PDE10A: variants seen among roughly 807,000 people sequenced by gnomAD.
The protein encoded by PDE10A is cAMP and cAMP-inhibited cGMP 3',5'-cyclic phosphodiesterase 10A.
In PDE10A, 39 loss-of-function variants were observed where a neutral mutation model predicts 97.7. The observed-to-expected ratio is 0.40, with a 90% CI of 0.31 to 0.52. The LOEUF is 0.52. Among genes scored for constraint, PDE10A ranks in the 20% least tolerant of loss-of-function variants. The pLI is 0.56. For missense variants in PDE10A, 731 were observed against 1,047.8 expected, an observed-to-expected ratio of 0.70 and a Z score of 4.17; for synonymous variants, 371 against 376.8, an observed-to-expected ratio of 0.98 and a Z score of 0.18.
chr6:165,384,633 T>TGA (rs779410400), intron 17 of PDE10A, among the ~76,000 whole-genome samples: 4 of 69,728 alleles, frequency 5.7e-5, no homozygotes, highest in Admixed American at 2.9e-4. Context: ...TGTGAGTGAG[T>TGA]GTGTGTGTGT....
At chr6:165,684,913 GA>G (rs1470311261) in intron 1 of PDE10A, among the ~76,000 whole-genome samples, 1 of 152,202 alleles carries the variant, frequency 6.6e-6, no homozygotes, top group Admixed American at 6.5e-5. Flanking sequence ...TGAAAACCAG[GA>G]AGTGGACAGT....
At chr6:165,637,444 G>A (rs367856298) in intron 1 of PDE10A, among the ~76,000 whole-genome samples, 2 of 152,116 alleles carry the variant, frequency 1.3e-5, no homozygotes, top group East Asian at 3.9e-4. Context: ...ACTGAATGAC[G>A]GTGTCCAGCT....
At chr6:165,368,641 T>C (rs1783991144) in intron 18 of PDE10A, among the ~76,000 whole-genome samples, 2 of 152,162 alleles carry the variant, frequency 1.3e-5, no homozygotes, top group Non-Finnish European at 2.9e-5. Flanking sequence ...AGACAACTTA[T>C]AAATGCAAAT....
chr6:165,415,757 A>G (rs1788267286), intron 12 of PDE10A, among the ~76,000 whole-genome samples: 1 of 152,172 alleles, frequency 6.6e-6, no homozygotes, highest in Non-Finnish European at 1.5e-5. Flanking sequence ...GTCAGTTGAG[A>G]GCTAAGAAAT....
At chr6:165,820,560 T>A (rs1779539480) in intron 1 of PDE10A, among the ~76,000 whole-genome samples, 1 of 152,200 alleles carries the variant, frequency 6.6e-6, no homozygotes, top group African/African-American at 2.4e-5. Flanking sequence ...GCTTAGCACA[T>A]CCTGGAAAGA....
intron 1 of PDE10A, among the ~76,000 whole-genome samples, chr6:165,676,468 G>A (rs1275347139): frequency 6.6e-6 from 1 of 152,218 alleles, no homozygotes; most frequent in East Asian, 1.9e-4. Context: ...AGGAAGAGGT[G>A]GGTCAGGGTG....
chr6:165,576,353 C>CTGA (rs1785304546), intron 1 of PDE10A: 1 of 778,104 alleles, frequency 1.3e-6, no homozygotes, highest in African/African-American at 1.7e-5. Flanking sequence ...TAGTTTGCTT[C>CTGA]CTGTCTATCT....
rs1169488258 is a variant in PDE10A at position 165,662,041 on chromosome 6, G to C, written c.771C>G (p.Ala257=). 14 of 1,476,444 alleles carry C rather than the reference G, an allele frequency of 9.5e-6. No individual in the cohort carries two copies. The highest frequency in any genetic ancestry group is 1.3e-5 in the Non-Finnish European group (14 of 1,106,856). The allele number at this position is 1,476,444 out of a possible 1,614,324, so 91.5% of individuals were successfully genotyped here. A position where few individuals can be genotyped will look rare whatever the true frequency, so the allele number is the denominator to read the frequency against. Residue 257 remains alanine (A), a synonymous_variant, in exon 1 of 22, where the codon GCC becomes GCG. Coordinates refer to ENST00000539869, the MANE Select transcript of PDE10A (RefSeq NM_001385079.1). ...RPQGASFALA[A]AAALLFGSDM... ...CGGAGCCGAAGAGCAGCGCGGCCGC[G>C]GCGGCGAGGGCGAAGCTGGCGCCCT...
chr6:165,560,467 T>C (rs1373106190), intron 1 of PDE10A, among the ~76,000 whole-genome samples: 1 of 151,724 alleles, frequency 6.6e-6, no homozygotes, highest in African/African-American at 2.4e-5. Flanking sequence ...TGCGATATTC[T>C]GAGCAAATCA....
intron 1 of PDE10A, among the ~76,000 whole-genome samples, chr6:165,696,963 C>G (rs1791457768): frequency 6.6e-6 from 1 of 152,000 alleles, no homozygotes; most frequent in Non-Finnish European, 1.5e-5. Context: ...AATGCTCAAA[C>G]CTGATTGATA....
chr6:165,759,158 C>T (rs965770236), intron 1 of PDE10A, among the ~76,000 whole-genome samples: 1 of 152,192 alleles, frequency 6.6e-6, no homozygotes, highest in Non-Finnish European at 1.5e-5. Flanking sequence ...ATATGAGGGA[C>T]TCTTTTCTGG....
chr6:165,514,993 CTA>C (rs1445866261), intron 2 of PDE10A, among the ~76,000 whole-genome samples: 3 of 152,272 alleles, frequency 2.0e-5, no homozygotes, highest in Non-Finnish European at 1.5e-5. Context: ...TTTATCCAAA[CTA>C]TTCATTTTTA....
chr6:165,344,394 A>G (rs1444014800), intron 18 of PDE10A, among the ~76,000 whole-genome samples: 1 of 152,230 alleles, frequency 6.6e-6, no homozygotes, highest in Non-Finnish European at 1.5e-5. Context: ...AAGACAAATT[A>G]TCAACAAGGA....
At chr6:165,501,061 T>C (rs2128294651) in intron 2 of PDE10A, among the ~76,000 whole-genome samples, 1 of 152,222 alleles carries the variant, frequency 6.6e-6, no homozygotes, top group Middle Eastern at 3.4e-3. Context: ...GTAGAGATAA[T>C]GACCAACAAA....
At chr6:165,964,258 C>A (rs1165000667) in intron 1 of PDE10A, among the ~76,000 whole-genome samples, 1 of 152,202 alleles carries the variant, frequency 6.6e-6, no homozygotes, top group Non-Finnish European at 1.5e-5. Flanking sequence ...TAGCATCGGG[C>A]TTCCTACAAG....
intron 1 of PDE10A, among the ~76,000 whole-genome samples, chr6:165,974,712 A>G (rs1562337199): frequency 6.6e-6 from 1 of 152,186 alleles, no homozygotes. Flanking sequence ...AGTATGCTAG[A>G]TTCTATTGCT....
intron 1 of PDE10A, among the ~76,000 whole-genome samples, chr6:165,745,959 T>C (rs979425578): frequency 6.6e-6 from 1 of 152,232 alleles, no homozygotes. Context: ...TATCTTAAGC[T>C]GGATGGCAGC....
chr6:165,639,386 A>C (rs1376367586), intron 1 of PDE10A, among the ~76,000 whole-genome samples: 2 of 152,122 alleles, frequency 1.3e-5, no homozygotes, highest in African/African-American at 4.8e-5. Context: ...GATTAGTTTT[A>C]TTTTTAAAGA....
At chr6:165,425,399 T>C (rs930073872) in intron 10 of PDE10A, among the ~76,000 whole-genome samples, 5 of 152,118 alleles carry the variant, frequency 3.3e-5, no homozygotes, top group Non-Finnish European at 5.9e-5. Flanking sequence ...CAAGAATCAA[T>C]TGATGTAATA....
Sources: allele counts gnomAD v4.1 joint callset (sites outside exome capture counted in the v4.1 genomes callset), GRCh38; gene constraint gnomAD v4.1.1; transcripts MANE v1.5; gene names NCBI Gene and HGNC (gene_info 2026-07-23, HGNC 2026-07-21).